PAIP2: variants seen among roughly 807,000 people sequenced by gnomAD.
The protein encoded by PAIP2 is polyadenylate-binding protein-interacting protein 2.
Under a neutral mutation model 14.8 loss-of-function variants are expected in PAIP2, and 7 were observed. The observed-to-expected ratio is 0.47, with a 90% CI of 0.27 to 0.89. PAIP2 has a LOEUF of 0.89. Ranked by LOEUF, PAIP2 falls within the 40% of genes least tolerant of loss-of-function variation. PAIP2 has a pLI of 0.13. For missense variants in PAIP2, 122 were observed against 154.7 expected, an observed-to-expected ratio of 0.79 and a Z score of 1.12; for synonymous variants, 47 against 45.3, an observed-to-expected ratio of 1.04 and a Z score of -0.15.
chr5:139,352,739 G>A (rs1161547563), intron 1 of PAIP2, among the ~76,000 whole-genome samples: 1 of 151,356 alleles, frequency 6.6e-6, no homozygotes, highest in Admixed American at 6.6e-5. Context: ...CCAAAGTGCT[G>A]GGATTACAGG....
chr5:139,368,649 A>G, intron 3 of PAIP2, 84 bp from the exon 4 acceptor site: 1 of 890,214 alleles, frequency 1.1e-6, no homozygotes, highest in Non-Finnish European at 1.8e-6. Context: ...TTTTTTTGGA[A>G]GATGTTTTTG....
At chr5:139,346,016 A>AT (rs1756534202) in intron 1 of PAIP2, among the ~76,000 whole-genome samples, 1 of 152,228 alleles carries the variant, frequency 6.6e-6, no homozygotes, top group African/African-American at 2.4e-5. Flanking sequence ...TTAAAATTCC[A>AT]TAGACAATAT....
intron 1 of PAIP2, among the ~76,000 whole-genome samples, chr5:139,346,152 G>A (rs888768516): frequency 2.0e-5 from 3 of 152,142 alleles, no homozygotes; most frequent in South Asian, 2.1e-4. Context: ...CAGTAGTACT[G>A]GGAAAAAATT....
intron 1 of PAIP2, among the ~76,000 whole-genome samples, chr5:139,356,460 A>ATT (rs1756915461): frequency 6.6e-6 from 1 of 152,144 alleles, no homozygotes; most frequent in Admixed American, 6.5e-5. Flanking sequence ...AAAATAATAA[A>ATT]TAAATAAAGT....
intron 1 of PAIP2, among the ~76,000 whole-genome samples, chr5:139,358,973 A>C (rs1021299957): frequency 1.3e-5 from 2 of 152,122 alleles, no homozygotes; most frequent in East Asian, 1.9e-4. Flanking sequence ...AAACACTTTA[A>C]AACAGTAAAT....
chr5:139,347,369 G>A (rs377291776), intron 1 of PAIP2, among the ~76,000 whole-genome samples: 1 of 149,398 alleles, frequency 6.7e-6, no homozygotes, highest in South Asian at 2.1e-4. Context: ...CACCTCCCGA[G>A]TTCAAGCGAT....
intron 1 of PAIP2, among the ~76,000 whole-genome samples, chr5:139,345,084 T>C (rs913168760): frequency 6.6e-6 from 1 of 152,078 alleles, no homozygotes; most frequent in African/African-American, 2.4e-5. Flanking sequence ...CTTGCTCTGT[T>C]GCCCAGGCTG....
At chr5:139,361,803 G>A (rs1273468740) in intron 1 of PAIP2, among the ~76,000 whole-genome samples, 1 of 152,130 alleles carries the variant, frequency 6.6e-6, no homozygotes, top group East Asian at 1.9e-4. Flanking sequence ...AAGTTAGCCA[G>A]GTGATAATGG....
At chr5:139,348,404 G>A (rs1756623233) in intron 1 of PAIP2, among the ~76,000 whole-genome samples, 1 of 151,376 alleles carries the variant, frequency 6.6e-6, no homozygotes, top group Admixed American at 6.6e-5. Context: ...GCCCAAGTTG[G>A]AGTGCAGTGG....
intron 1 of PAIP2, among the ~76,000 whole-genome samples, chr5:139,343,697 G>A (rs1003853910): frequency 1.3e-5 from 2 of 151,570 alleles, no homozygotes; most frequent in African/African-American, 4.9e-5. Context: ...AACGTGAAAT[G>A]GGCAGAGCAA....
At chr5:139,364,158 G>A (rs1757151393) in intron 2 of PAIP2, 1 of 494,900 alleles carries the variant, frequency 2.0e-6, no homozygotes. Flanking sequence ...GGATGAGGGT[G>A]GAGCCTGGGA....
chr5:139,353,681 A>G (rs1256548191), intron 1 of PAIP2, among the ~76,000 whole-genome samples: 1 of 151,648 alleles, frequency 6.6e-6, no homozygotes, highest in Non-Finnish European at 1.5e-5. Flanking sequence ...TTGTATGTCC[A>G]TTAACATAGA....
intron 1 of PAIP2, among the ~76,000 whole-genome samples, chr5:139,354,336 AATATGTTACCTTCTGACCTCC>A (rs1438772220): frequency 3.3e-5 from 5 of 152,068 alleles, no homozygotes; most frequent in Non-Finnish European, 5.9e-5. Flanking sequence ...CAGCATTTTG[AATATGTTACCTTCTGACCTCC>A]ATGGTTTCTG....
chr5:139,363,347 T>TA (rs1434513514), intron 1 of PAIP2, among the ~76,000 whole-genome samples: 2 of 152,176 alleles, frequency 1.3e-5, no homozygotes, highest in East Asian at 3.8e-4. Flanking sequence ...TTATTCAACT[T>TA]ACCGTGTATT....
chr5:139,349,031 C>T (rs1756646385), intron 1 of PAIP2, among the ~76,000 whole-genome samples: 1 of 152,074 alleles, frequency 6.6e-6, no homozygotes, highest in Non-Finnish European at 1.5e-5. Context: ...GTCAAGTATT[C>T]AATTCAAAAA....
At chr5:139,342,527 G>A (rs1476249466) in intron 1 of PAIP2, 2 of 152,186 alleles carry the variant, frequency 1.3e-5, no homozygotes, top group Non-Finnish European at 2.9e-5. Flanking sequence ...GGCCTGATCA[G>A]AAGATCGTCT....
chr5:139,342,066 T>C (rs751455462), intron 1 of PAIP2, 86 bp downstream of exon 1: 2 of 152,604 alleles, frequency 1.3e-5, no homozygotes, highest in Non-Finnish European at 1.5e-5. Context: ...GCCTAAAGGG[T>C]TCCCTGGGTG....
chr5:139,362,733 A>G (rs1342133767), intron 1 of PAIP2, among the ~76,000 whole-genome samples: 3 of 151,650 alleles, frequency 2.0e-5, no homozygotes, highest in Non-Finnish European at 1.5e-5. Flanking sequence ...TAGTAGAGAC[A>G]GGGTTTCACC....
chr5:139,350,275 C>T lies in PAIP2; in HGVS notation c.-27+8295C>T, dbSNP rs141277136. Among the ~76,000 whole-genome samples, 8 of 151,864 alleles carry T rather than the reference C, an allele frequency of 5.3e-5. No individual in the cohort carries two copies. The East Asian group carries it at 1.5e-3, about 29-fold the overall frequency. On this transcript the variant is annotated intron_variant, in intron 1 of 3. Coordinates refer to ENST00000265192, the MANE Select transcript of PAIP2 (RefSeq NM_016480.5). Reference sequence around the variant, plus strand: ...GTAGAGGACTTGGATAAACCACTTTCAGAATTGACCAGATTAAGTAAAAAA... The same window carrying T: ...GTAGAGGACTTGGATAAACCACTTTTAGAATTGACCAGATTAAGTAAAAAA...
Sources: gnomAD v4.1 joint callset for allele counts (sites outside exome capture counted in the v4.1 genomes callset) on GRCh38, gnomAD v4.1.1 for gene constraint, MANE v1.5 for transcripts, NCBI Gene and HGNC (gene_info 2026-07-23, HGNC 2026-07-21) for gene names.